The following CGNL1 variants were observed in gnomAD, a reference collection of about 807,000 sequenced individuals.
The protein encoded by CGNL1 is cingulin like 1, also known as cingulin-like protein 1.
A neutral mutation model predicts 141.2 loss-of-function variants in CGNL1; 132 were observed. That is an observed-to-expected ratio of 0.93 (90% CI 0.81 to 1.08). The LOEUF (loss-of-function observed/expected upper bound fraction) is 1.08, where lower values mean the gene tolerates loss of function less well. CGNL1 is among the 50% of genes least tolerant of loss of function. The pLI is 0.00. For missense variants in CGNL1, 1,870 were observed against 1,588.6 expected (o/e 1.18, Z -3.01); for synonymous variants, 690 against 622.1 (o/e 1.11, Z -1.63).
At chr15:57,430,396 A>G (rs755333381) in intron 1 of CGNL1, among the ~76,000 whole-genome samples, 2 of 152,216 alleles carry the variant, frequency 1.3e-5, no homozygotes, top group Non-Finnish European at 2.9e-5. Context: ...AGGATGAATG[A>G]CTTATCTAAC....
At chr15:57,534,108 A>G (rs895540014) in intron 14 of CGNL1, among the ~76,000 whole-genome samples, 1 of 152,246 alleles carries the variant, frequency 6.6e-6, no homozygotes, top group African/African-American at 2.4e-5. Flanking sequence ...TCATACATCC[A>G]GAAGCGTCTG....
At chr15:57,534,217 T>C (rs966524794) in intron 14 of CGNL1, among the ~76,000 whole-genome samples, 3 of 152,214 alleles carry the variant, frequency 2.0e-5, no homozygotes, top group Non-Finnish European at 4.4e-5. Flanking sequence ...CCCTACCAGC[T>C]CTCTTTCCCT....
intron 14 of CGNL1, among the ~76,000 whole-genome samples, chr15:57,539,834 C>T (rs891655290): frequency 2.0e-5 from 3 of 152,174 alleles, no homozygotes; most frequent in Admixed American, 1.3e-4. Context: ...CTCACCTGTT[C>T]TGTGGCTTCC....
At chr15:57,444,796 C>T (rs1368316584) in intron 4 of CGNL1, among the ~76,000 whole-genome samples, 1 of 152,140 alleles carries the variant, frequency 6.6e-6, no homozygotes, top group Non-Finnish European at 1.5e-5. Context: ...AGCCTGGTAG[C>T]AAGGACATTG....
At chr15:57,521,500 G>A (rs1240773214) in intron 10 of CGNL1, among the ~76,000 whole-genome samples, 2 of 152,120 alleles carry the variant, frequency 1.3e-5, no homozygotes, top group Non-Finnish European at 2.9e-5. Flanking sequence ...ATGCCTAATA[G>A]TGAACATACC....
At position 57,547,394 on chromosome 15, in the gene CGNL1, T is replaced by C. The variant is rs1402821603; in HGVS notation, c.3813T>C (p.Asp1271=). 6.2e-7 allele frequency: 1 copy of C among 1,614,102 alleles called. No homozygotes were observed. The highest frequency in any genetic ancestry group is 2.2e-5 in the East Asian group (1 of 44,896). ...CGAGTAAAGTGCTGGATGACATGGA[T>C]GACGACGATGACCTCAGCACGGATG... The part of the protein sequence containing the change: ...KLPSKVLDDM[D]DDDDLSTDGG... The change falls in exon 19 of 19, where the codon GAT becomes GAC. Residue 1271 remains aspartate, a synonymous_variant. Transcript: ENST00000281282.
intron 8 of CGNL1, among the ~76,000 whole-genome samples, chr15:57,470,256 C>CTTTTTTTTTTTTTTTTTTTTTTTTTTT (rs60982599): frequency 3.5e-5 from 4 of 113,992 alleles, no homozygotes; most frequent in Non-Finnish European, 5.1e-5. Flanking sequence ...TTTTGTCTCT[C>CTTTTTTTTTTTTTTTTTTTTTTTTTTT]TTTTTTTTTT....
Position 57,544,564 on chromosome 15 carries a change from C to A in CGNL1, c.3467C>A (p.Ala1156Glu). The A allele has an allele frequency of 1.9e-6, 3 of 1,601,016 alleles. No homozygotes were observed. Among genetic ancestry groups the A allele is most frequent in the African/African-American group, 2.7e-5 (2 of 74,960 alleles). Residue 1156 changes from alanine (A) to glutamate (E), a missense_variant, in exon 16 of 19, where the codon GCG becomes GAG. Ala to Glu is a moderately radical substitution (Grantham distance 107). Coordinates refer to ENST00000281282, the MANE Select transcript of CGNL1 (RefSeq NM_032866.5). ...GLVVQMEARI[A>E]ELEDRLESEE... ...GTTGTGCAGATGGAGGCCAGGATCG[C>A]GGAGCTGGAGGACCGCCTGGAGAGT...
Position 57,548,914 on chromosome 15 carries a change from G to C in CGNL1, c.*1424G>C, listed in dbSNP as rs1256243050. The C allele has an allele frequency of 6.6e-6, 1 of 152,604 alleles. No individual in the cohort carries two copies. Among genetic ancestry groups the C allele is most frequent in the Non-Finnish European group, 1.5e-5 (1 of 68,344 alleles). 9.5% of individuals were successfully genotyped at this position (152,604 alleles called of 1,614,324 possible). ...GAAGTTCTTGAAAGCTGGGGGATGTGTGGGCAAGAGGTGGATTGAGCAGGA... is the reference window on the plus strand; with the variant it reads ...GAAGTTCTTGAAAGCTGGGGGATGTCTGGGCAAGAGGTGGATTGAGCAGGA... On this transcript the variant is annotated 3_prime_UTR_variant, in exon 19 of 19. Coordinates refer to ENST00000281282, the MANE Select transcript of CGNL1 (RefSeq NM_032866.5).
intron 1 of CGNL1, among the ~76,000 whole-genome samples, chr15:57,425,822 CT>C (rs1239050976): frequency 1.3e-5 from 2 of 151,338 alleles, no homozygotes; most frequent in African/African-American, 2.4e-5. Context: ...ATATATTATC[CT>C]TTTTTTGTTT....
intron 14 of CGNL1, among the ~76,000 whole-genome samples, chr15:57,533,823 A>T (rs181611679): frequency 1.4e-4 from 22 of 152,318 alleles, no homozygotes; most frequent in African/African-American, 5.3e-4. Flanking sequence ...TATTTCCACT[A>T]AGCCAAGAAC....
chr15:57,458,227 T>C (rs1226711001), intron 7 of CGNL1, among the ~76,000 whole-genome samples: 4 of 152,198 alleles, frequency 2.6e-5, no homozygotes, highest in African/African-American at 9.6e-5. Context: ...CTGGATTCCA[T>C]AGAGAGGCAA....
intron 8 of CGNL1, among the ~76,000 whole-genome samples, chr15:57,505,071 G>A (rs1376159708): frequency 6.6e-6 from 1 of 152,162 alleles, no homozygotes; most frequent in South Asian, 2.1e-4. Flanking sequence ...AGGAGGGACC[G>A]AGTGAGAGTC....
intron 9 of CGNL1, among the ~76,000 whole-genome samples, chr15:57,517,757 G>A (rs1034865743): frequency 2.0e-5 from 3 of 152,314 alleles, no homozygotes; most frequent in East Asian, 3.9e-4. Context: ...TGTGATGACA[G>A]TTTGAGCCCA....
chr15:57,421,283 C>G (rs896797285), intron 1 of CGNL1, among the ~76,000 whole-genome samples: 3 of 152,202 alleles, frequency 2.0e-5, no homozygotes, highest in Non-Finnish European at 4.4e-5. Flanking sequence ...TTAAGCCACT[C>G]AGTCTGTGGT....
intron 1 of CGNL1, among the ~76,000 whole-genome samples, chr15:57,426,213 C>T (rs1274777090): frequency 2.0e-5 from 3 of 152,018 alleles, no homozygotes; most frequent in Non-Finnish European, 2.9e-5. Flanking sequence ...GGCATGATCT[C>T]GGCTCACTGC....
chr15:57,491,329 G>A (rs182352446), intron 8 of CGNL1, among the ~76,000 whole-genome samples: 8 of 152,308 alleles, frequency 5.3e-5, no homozygotes, highest in South Asian at 4.1e-4. Flanking sequence ...CTAACACCCA[G>A]TTTGGTGCCT....
chr15:57,503,753 A>G (rs886840052), intron 8 of CGNL1, among the ~76,000 whole-genome samples: 3 of 152,190 alleles, frequency 2.0e-5, no homozygotes, highest in African/African-American at 4.8e-5. Flanking sequence ...GGGCGGCAGC[A>G]AGAGAAAATG....
intron 1 of CGNL1, among the ~76,000 whole-genome samples, chr15:57,404,251 T>C (rs542001675): frequency 1.3e-5 from 2 of 152,332 alleles, no homozygotes; most frequent in African/African-American, 4.8e-5. Context: ...TTTGGACCTC[T>C]TGAAACATCA....
Sources: gnomAD v4.1 joint callset for allele counts (sites outside exome capture counted in the v4.1 genomes callset) on GRCh38, gnomAD v4.1.1 for gene constraint, MANE v1.5 for transcripts, NCBI Gene and HGNC (gene_info 2026-07-23, HGNC 2026-07-21) for gene names.